The following LHX8 variants were observed in gnomAD, a reference collection of about 807,000 sequenced individuals.
The protein encoded by LHX8 is LIM/homeobox protein Lhx8.
In LHX8, 12 loss-of-function variants were observed where a neutral mutation model predicts 40.3. The ratio of observed to expected loss-of-function variants is 0.30; its 90% CI spans 0.19 to 0.48. The LOEUF (loss-of-function observed/expected upper bound fraction) is 0.48, where lower values mean the gene tolerates loss of function less well. Ranked by LOEUF, LHX8 falls within the 20% of genes least tolerant of loss-of-function variation. The pLI is 0.99. For synonymous variants in LHX8, 179 were observed against 162.0 expected (o/e 1.10, Z -0.80); for missense variants, 344 against 433.7 (o/e 0.79, Z 1.84).
chr1:75,153,850 AT>A (rs1038876326), intron 7 of LHX8, among the ~76,000 whole-genome samples: 2 of 152,002 alleles, frequency 1.3e-5, no homozygotes, highest in Non-Finnish European at 2.9e-5. Flanking sequence ...GGTTTTATCT[AT>A]TTTTTTCTCT....
upstream of LHX8, chr1:75,131,564 C>G (rs1407395295): frequency 6.6e-6 from 1 of 152,242 alleles, no homozygotes; most frequent in Non-Finnish European, 1.5e-5. Flanking sequence ...AGGCGGAAGG[C>G]TCATTAGACG....
intron 7 of LHX8, among the ~76,000 whole-genome samples, chr1:75,153,076 G>A (rs1173411976): frequency 1.3e-5 from 2 of 151,582 alleles, no homozygotes; most frequent in East Asian, 3.9e-4. Flanking sequence ...AAATCTCCCA[G>A]TCTTTTGATA....
At chr1:75,149,614 A>G (rs1325471605) in intron 7 of LHX8, among the ~76,000 whole-genome samples, 1 of 152,022 alleles carries the variant, frequency 6.6e-6, no homozygotes, top group Non-Finnish European at 1.5e-5. Flanking sequence ...GCAGTGACGC[A>G]ATCACAGCTC....
At chr1:75,158,615 A>C (rs1408735422) in intron 8 of LHX8, among the ~76,000 whole-genome samples, 1 of 152,202 alleles carries the variant, frequency 6.6e-6, no homozygotes, top group Non-Finnish European at 1.5e-5. Context: ...ATGAAAATAG[A>C]AAATGTCCAG....
At chr1:75,185,087 A>C in the LHX8 span, among the ~76,000 whole-genome samples, 1 of 151,852 alleles carries the variant, frequency 6.6e-6, no homozygotes, top group Non-Finnish European at 1.5e-5. Context: ...ACCAATAACA[A>C]GCTTTAAAAT....
the LHX8 span, among the ~76,000 whole-genome samples, chr1:75,175,724 C>T: frequency 6.6e-6 from 1 of 151,806 alleles, no homozygotes; most frequent in South Asian, 2.1e-4. Context: ...ACACAACGTG[C>T]AGGTTTGGTA....
downstream of LHX8, chr1:75,161,629 C>G (rs1648921358): frequency 6.6e-6 from 1 of 150,544 alleles, no homozygotes; most frequent in Non-Finnish European, 1.5e-5. Context: ...GTGTTTTGAG[C>G]TGCATTGTAT....
At position 75,156,963 on chromosome 1, in the gene LHX8, T is replaced by C; in HGVS notation, c.851T>C (p.Val284Ala). 3 of 1,614,106 alleles carry C rather than the reference T, an allele frequency of 1.9e-6. No individual in the cohort carries two copies. Among genetic ancestry groups the C allele is most frequent in the Non-Finnish European group, 2.5e-6 (3 of 1,179,974 alleles). Residue 284 changes from valine (V) to alanine (A), a missense_variant, in exon 8 of 9, where the codon GTC becomes GCC. This residue lies in a region of LHX8 where 89 missense variants were observed against 92.8 expected (regional missense o/e 0.96). Transcript: ENST00000356261. ...CCTAATCACTCATCCTCCACCCCAG[T>C]CACAGCAGTCCCACCCTCCAGGCTG... ...VSPNHSSSTP[V>A]TAVPPSRLSP...
the LHX8 span, among the ~76,000 whole-genome samples, chr1:75,171,469 A>G: frequency 6.6e-6 from 1 of 152,002 alleles, no homozygotes; most frequent in Non-Finnish European, 1.5e-5. Flanking sequence ...CTGGTGTGCT[A>G]ACCTGCATGG....
At chr1:75,188,204 G>A in the LHX8 span, among the ~76,000 whole-genome samples, 1 of 151,948 alleles carries the variant, frequency 6.6e-6, no homozygotes, top group Non-Finnish European at 1.5e-5. Context: ...ATGTTAAGTG[G>A]CTGTAAAACT....
chr1:75,150,265 A>G (rs566076801), intron 7 of LHX8, among the ~76,000 whole-genome samples: 1 of 152,228 alleles, frequency 6.6e-6, no homozygotes, highest in African/African-American at 2.4e-5. Flanking sequence ...ATAAATTTCA[A>G]GTCAAAGTAA....
At chr1:75,150,196 C>T (rs1205972389) in intron 7 of LHX8, among the ~76,000 whole-genome samples, 1 of 152,158 alleles carries the variant, frequency 6.6e-6, no homozygotes, top group Non-Finnish European at 1.5e-5. Flanking sequence ...CATGATAGTA[C>T]CACTGCACTC....
the LHX8 span, among the ~76,000 whole-genome samples, chr1:75,192,129 T>C: frequency 6.6e-6 from 1 of 152,200 alleles, no homozygotes; most frequent in African/African-American, 2.4e-5. Flanking sequence ...TTTAAGTGAT[T>C]AAATACAGTT....
At chr1:75,150,615 A>G (rs1039954409) in intron 7 of LHX8, among the ~76,000 whole-genome samples, 1 of 152,124 alleles carries the variant, frequency 6.6e-6, no homozygotes, top group Non-Finnish European at 1.5e-5. Context: ...GGTGAATTCA[A>G]GAACGAGATG....
upstream of LHX8, chr1:75,133,001 A>G (rs1173154496): frequency 6.6e-6 from 1 of 152,170 alleles, no homozygotes; most frequent in African/African-American, 2.4e-5. Context: ...GAAAAACACA[A>G]GTCTTTCTGG....
At chr1:75,190,343 C>T in the LHX8 span, among the ~76,000 whole-genome samples, 1 of 152,028 alleles carries the variant, frequency 6.6e-6, no homozygotes, top group Non-Finnish European at 1.5e-5. Flanking sequence ...CTTTAATAAT[C>T]AAAATTTTGC....
upstream of LHX8, chr1:75,131,712 C>T (rs1180134481): frequency 6.6e-6 from 1 of 152,288 alleles, no homozygotes; most frequent in East Asian, 1.9e-4. Flanking sequence ...GGGATCTAGA[C>T]CCCTTCCCTG....
At chr1:75,144,877 G>A (rs1852349) in intron 6 of LHX8, among the ~76,000 whole-genome samples, 32,813 of 151,914 alleles carry the variant, frequency 0.22, 4,262 homozygotes, top group Middle Eastern at 0.34. Context: ...CGAAAATCAC[G>A]TTTAGTATTC....
chr1:75,131,658 T>C (rs990327755), upstream of LHX8: 9 of 152,238 alleles, frequency 5.9e-5, no homozygotes, highest in Non-Finnish European at 1.0e-4. Context: ...CGGGTTGATG[T>C]TCCCTCTCTC....
Sources: gnomAD v4.1 joint callset for allele counts (sites outside exome capture counted in the v4.1 genomes callset) on GRCh38, gnomAD v4.1.1 for gene constraint, gnomAD v4.1.1 regional missense constraint, MANE v1.5 for transcripts, NCBI Gene and HGNC (gene_info 2026-07-23, HGNC 2026-07-21) for gene names.